Variants in SULT1B1 observed in about 807,000 individuals in gnomAD.
SULT1B1 encodes the protein sulfotransferase 1B1.
In SULT1B1, 28 loss-of-function variants were observed where a neutral mutation model predicts 34.6. The observed-to-expected ratio is 0.81, with a 90% confidence interval of 0.60 to 1.11. The LOEUF is 1.11. Among genes scored for constraint, SULT1B1 ranks in the 50% least tolerant of loss-of-function variants. SULT1B1 has a pLI of 0.00. For missense variants in SULT1B1, 374 were observed against 352.2 expected (o/e 1.06, Z -0.50); for synonymous variants, 147 against 110.2 (o/e 1.33, Z -2.09).
In SULT1B1 at chr4:69,731,683, T is replaced by C. The variant is rs796827190; in HGVS notation, c.598-1002A>G. Among the ~76,000 whole-genome samples, 54 of 152,320 alleles carry C rather than the reference T, an allele frequency of 3.5e-4. 1 individual carries two copies. Among genetic ancestry groups the C allele is most frequent in the African/African-American group, 1.3e-3 (52 of 41,578 alleles). ...ACTTCTCTATAATATTATCTACAAA[T>C]GATTGTATGGTAGAAGAAAAATATT... On this transcript the variant is annotated intron_variant, in intron 6 of 7. Coordinates refer to ENST00000310613, the MANE Select transcript of SULT1B1 (RefSeq NM_014465.4).
chr4:69,725,585 G>T lies in SULT1B1; in HGVS notation c.*1503C>A, dbSNP rs1460035300. On this transcript the variant is annotated 3_prime_UTR_variant, in exon 8 of 8. Coordinates refer to ENST00000310613, the MANE Select transcript of SULT1B1 (RefSeq NM_014465.4). ...ACACATGCACACGTATATTTATTGC[G>T]GCACTATTCACAATAGCAAAGACTT... The T allele has an allele frequency of 6.6e-6, 1 of 151,674 alleles. No homozygotes were observed. The highest frequency in any genetic ancestry group is 1.5e-5 in the Non-Finnish European group (1 of 67,936). The allele number at this position is 151,674 out of a possible 1,614,324, so 9.4% of individuals were successfully genotyped here. A position where few individuals can be genotyped will look rare whatever the true frequency, so the allele number is the denominator to read the frequency against.
chr4:69,737,229 A>G (rs372291704), intron 4 of SULT1B1, among the ~76,000 whole-genome samples: 12 of 152,282 alleles, frequency 7.9e-5, no homozygotes, highest in South Asian at 6.2e-4. Flanking sequence ...TATATTGTCA[A>G]TTCCAAATCC....
intron 3 of SULT1B1, 47 bp downstream of exon 3, chr4:69,754,623 G>T: frequency 6.3e-7 from 1 of 1,585,560 alleles, no homozygotes; most frequent in Non-Finnish European, 8.6e-7. Flanking sequence ...TGCATATGCT[G>T]TCTAAATAAT....
intron 1 of SULT1B1, among the ~76,000 whole-genome samples, 199 bp from the exon 2 acceptor site, chr4:69,755,460 T>A (rs1719153733): frequency 6.6e-6 from 1 of 152,122 alleles, no homozygotes; most frequent in African/African-American, 2.4e-5. Context: ...AGGACAAAGG[T>A]CTCTAGTGGA....
chr4:69,758,421 A>T (rs1463069723), intron 1 of SULT1B1: 1 of 985,320 alleles, frequency 1.0e-6, no homozygotes, highest in East Asian at 1.1e-4. Flanking sequence ...CCACATGATG[A>T]ATGAAATAGC....
At chr4:69,744,480 A>G (rs1017641705) in intron 4 of SULT1B1, among the ~76,000 whole-genome samples, 4 of 152,108 alleles carry the variant, frequency 2.6e-5, no homozygotes, top group African/African-American at 9.7e-5. Context: ...ACCACCACCC[A>G]TGTCTCCCCA....
At chr4:69,750,045 T>C (rs922998357) in intron 3 of SULT1B1, among the ~76,000 whole-genome samples, 7 of 152,186 alleles carry the variant, frequency 4.6e-5, no homozygotes, top group Non-Finnish European at 7.4e-5. Flanking sequence ...ACTCTATCAC[T>C]TAAGCATTGT....
chr4:69,724,715 T>C lies in SULT1B1; in HGVS notation c.*2373A>G, dbSNP rs564543283. 3.9e-5 allele frequency: 6 copies of C among 152,080 alleles called. No homozygotes were observed. The East Asian group carries it at 9.7e-4, about 25-fold the overall frequency. 9.4% of individuals were successfully genotyped at this position (152,080 alleles called of 1,614,324 possible). Reference sequence around the variant, plus strand: ...AGAACAGAGCCCTCAGAAATAATACTACACATCTACAATTATCTGATCTTT... The same window carrying C: ...AGAACAGAGCCCTCAGAAATAATACCACACATCTACAATTATCTGATCTTT... On this transcript the variant is annotated 3_prime_UTR_variant, in exon 8 of 8. Transcript: ENST00000310613.
intron 1 of SULT1B1, among the ~76,000 whole-genome samples, chr4:69,756,060 C>T (rs771385374): frequency 3.6e-4 from 54 of 152,108 alleles, no homozygotes; most frequent in Admixed American, 3.1e-3. Flanking sequence ...AATGTTTAAT[C>T]TGTCTTTACT....
At chr4:69,748,108 C>G (rs1477243340) in intron 4 of SULT1B1, among the ~76,000 whole-genome samples, 1 of 151,964 alleles carries the variant, frequency 6.6e-6, no homozygotes, top group Admixed American at 6.5e-5. Flanking sequence ...TGTATGAAAA[C>G]AGAACTTAGC....
At chr4:69,736,324 C>A (rs1303865984) in intron 4 of SULT1B1, among the ~76,000 whole-genome samples, 1 of 152,162 alleles carries the variant, frequency 6.6e-6, no homozygotes, top group Non-Finnish European at 1.5e-5. Context: ...GGCCTCAGAG[C>A]CAGTGGACTT....
intron 6 of SULT1B1, among the ~76,000 whole-genome samples, chr4:69,731,423 T>C (rs4694243): frequency 0.29 from 44,822 of 152,074 alleles, 7,705 homozygotes; most frequent in South Asian, 0.45. Context: ...CTTCCACAAA[T>C]CCCGTCCCTG....
intron 4 of SULT1B1, among the ~76,000 whole-genome samples, chr4:69,749,421 A>G (rs1292602908): frequency 6.6e-6 from 1 of 152,154 alleles, no homozygotes; most frequent in Non-Finnish European, 1.5e-5. Flanking sequence ...AATAAGGACT[A>G]ACGTCCTTAA....
Position 69,744,922 on chromosome 4 carries a change from T to C in SULT1B1, c.375+4799A>G, listed in dbSNP as rs149047338. On this transcript the variant is annotated intron_variant, in intron 4 of 7. Transcript: ENST00000310613. Reference sequence around the variant, plus strand: ...GTCTCAAAGATTCTGATATGTTGTGTCTTTGTATCTCTGTTTTCATTTGTT... The same window carrying C: ...GTCTCAAAGATTCTGATATGTTGTGCCTTTGTATCTCTGTTTTCATTTGTT... 1.3e-3 allele frequency among the ~76,000 whole-genome samples: 201 copies of C among 152,354 alleles called. 4 individuals are homozygous for C. Among genetic ancestry groups the C allele is most frequent in the African/African-American group, 4.6e-3 (192 of 41,582 alleles).
At position 69,726,777 on chromosome 4, in the gene SULT1B1, G is replaced by C. The variant is rs758182666; in HGVS notation, c.*311C>G. On this transcript the variant is annotated 3_prime_UTR_variant, in exon 8 of 8. Coordinates refer to ENST00000310613, the MANE Select transcript of SULT1B1 (RefSeq NM_014465.4). Reference sequence around the variant, plus strand: ...ACTTAATTCTAAATCATAATATATGGGAGATTAAGTAAAATAAATCCCTTC... The same window carrying C: ...ACTTAATTCTAAATCATAATATATGCGAGATTAAGTAAAATAAATCCCTTC... The C allele has an allele frequency of 1.0e-4, 19 of 186,170 alleles. No homozygotes were observed. The highest frequency in any genetic ancestry group is 2.0e-4 in the Non-Finnish European group (18 of 90,986). The allele number at this position is 186,170 out of a possible 1,614,324, so 11.5% of individuals were successfully genotyped here.
At chr4:69,753,958 C>G (rs761039382) in intron 3 of SULT1B1, among the ~76,000 whole-genome samples, 17 of 152,136 alleles carry the variant, frequency 1.1e-4, no homozygotes, top group Non-Finnish European at 2.1e-4. Flanking sequence ...TTCCATAAAC[C>G]ATGTAGCTAT....
chr4:69,728,703 T>G (rs887322947), intron 7 of SULT1B1, among the ~76,000 whole-genome samples: 1 of 152,128 alleles, frequency 6.6e-6, no homozygotes, highest in East Asian at 1.9e-4. Context: ...AGACTAATAA[T>G]GCTTTTTACT....
intron 4 of SULT1B1, among the ~76,000 whole-genome samples, chr4:69,743,022 C>A (rs2110024567): frequency 6.6e-6 from 1 of 152,292 alleles, no homozygotes; most frequent in Middle Eastern, 3.4e-3. Context: ...GTGTCACAAC[C>A]CTGGCTCAGG....
chr4:69,753,320 G>C (rs1394032), intron 3 of SULT1B1, among the ~76,000 whole-genome samples: 69,254 of 151,544 alleles, frequency 0.46, 16,312 homozygotes, highest in Middle Eastern at 0.52. Context: ...CCATCAACAA[G>C]TCACAAATAT....
Sources: allele counts gnomAD v4.1 joint callset (sites outside exome capture counted in the v4.1 genomes callset), GRCh38; gene constraint gnomAD v4.1.1; transcripts MANE v1.5; gene names NCBI Gene and HGNC (gene_info 2026-07-23, HGNC 2026-07-21).